The following PRH1 variants were observed in gnomAD, a reference collection of about 807,000 sequenced individuals.
PRH1 encodes the protein proline rich protein HaeIII subfamily 1, also known as salivary acidic proline-rich phosphoprotein 1/2.
A neutral mutation model predicts 7.9 loss-of-function variants in PRH1; 7 were observed. The observed-to-expected ratio is 0.89, with a 90% confidence interval of 0.50 to 1.67. The LOEUF is 1.67. Among genes scored for constraint, PRH1 ranks in the 40% most tolerant of loss-of-function variants. The probability of loss-of-function intolerance (pLI) is 0.00; values close to 1 mark genes in which losing one functional copy is unlikely to be tolerated. For synonymous variants in PRH1, 45 were observed against 80.8 expected, an observed-to-expected ratio of 0.56 and a Z score of 2.38; for missense variants, 109 against 223.6, an observed-to-expected ratio of 0.49 and a Z score of 3.27.
chr12:10,972,928 A>ATCCCCCCCCCCC (rs1555119295), intron 2 of PRH1, among the ~76,000 whole-genome samples: 3 of 100,326 alleles, frequency 3.0e-5, no homozygotes, highest in African/African-American at 1.1e-4. Flanking sequence ...AAGCACCACA[A>ATCCCCCCCCCCC]CCCACCCCCC....
At chr12:10,975,505 C>T (rs925906837) in intron 1 of PRH1, among the ~76,000 whole-genome samples, 4 of 151,972 alleles carry the variant, frequency 2.6e-5, no homozygotes, top group Non-Finnish European at 5.9e-5. Context: ...ATAAAGTAAC[C>T]ACACAACCCA....
intron 1 of PRH1, among the ~76,000 whole-genome samples, chr12:11,072,288 G>A (rs1047908087): frequency 6.6e-6 from 1 of 152,086 alleles, no homozygotes; most frequent in African/African-American, 2.4e-5. Context: ...TACCAAGCCT[G>A]CACTGGGAGT....
At chr12:11,059,681 T>C (rs1472286003) in intron 1 of PRH1, among the ~76,000 whole-genome samples, 1 of 148,914 alleles carries the variant, frequency 6.7e-6, no homozygotes, top group Non-Finnish European at 1.5e-5. Flanking sequence ...CAAGACTATA[T>C]TATTGTCATA....
intron 2 of PRH1, among the ~76,000 whole-genome samples, chr12:10,907,381 G>C (rs1949819474): frequency 6.6e-6 from 1 of 151,970 alleles, no homozygotes; most frequent in Non-Finnish European, 1.5e-5. Flanking sequence ...TTTTAATGTG[G>C]TATATCCAAC....
intron 2 of PRH1, chr12:10,938,833 C>T (rs3741843): frequency 0.83 from 1,344,296 of 1,613,234 alleles, 564,470 homozygotes; most frequent in East Asian, 0.95. Context: ...CCTTTTTAAC[C>T]CTCCACTTTA....
chr12:11,009,079 A>G (rs1185964406), intron 1 of PRH1, among the ~76,000 whole-genome samples: 1 of 151,926 alleles, frequency 6.6e-6, no homozygotes, highest in Non-Finnish European at 1.5e-5. Flanking sequence ...AATTATGTAC[A>G]TATTTATCAT....
intron 2 of PRH1, among the ~76,000 whole-genome samples, chr12:10,899,468 T>A (rs1022272847): frequency 7.2e-5 from 11 of 152,212 alleles, no homozygotes; most frequent in Non-Finnish European, 1.5e-4. Context: ...AATGCCTTGG[T>A]ACCATTTTCA....
intron 1 of PRH1, among the ~76,000 whole-genome samples, chr12:11,155,587 A>C (rs1947225952): frequency 6.6e-6 from 1 of 152,210 alleles, no homozygotes; most frequent in South Asian, 2.1e-4. Flanking sequence ...TGAACTCTTT[A>C]TAAATACAAC....
At chr12:11,009,282 T>C (rs764248180) in intron 1 of PRH1, among the ~76,000 whole-genome samples, 8 of 152,080 alleles carry the variant, frequency 5.3e-5, no homozygotes, top group East Asian at 1.9e-4. Context: ...ATTTAGAATG[T>C]GGCTCTTTTT....
rs780339087 is a variant in PRH1 at position 11,030,844 on chromosome 12, C to T, written c.-126+16176G>A. 4 of 1,614,050 alleles carry T rather than the reference C, an allele frequency of 2.5e-6. No individual in the cohort carries two copies. In the African/African-American group the frequency reaches 4.0e-5, roughly 16 times the overall value. ...ACACTGCACTCCTCAATTTGATCTTCCAAGTCAAGTTTCCTTCATATTCTT... is the reference window on the plus strand; with the variant it reads ...ACACTGCACTCCTCAATTTGATCTTTCAAGTCAAGTTTCCTTCATATTCTT... On this transcript the variant is annotated intron_variant, in intron 1 of 3. Coordinates refer to the PRH1 transcript ENST00000539853.
At chr12:11,013,308 G>C (rs1014604679) in intron 1 of PRH1, among the ~76,000 whole-genome samples, 2 of 151,942 alleles carry the variant, frequency 1.3e-5, no homozygotes, top group Non-Finnish European at 2.9e-5. Flanking sequence ...TGACATTGAT[G>C]GTAATTGATT....
At chr12:11,152,556 A>G (rs1393556957) in intron 1 of PRH1, among the ~76,000 whole-genome samples, 1 of 152,084 alleles carries the variant, frequency 6.6e-6, no homozygotes, top group African/African-American at 2.4e-5. Flanking sequence ...AGTTTTAACT[A>G]TTCTCCACTT....
intron 1 of PRH1, among the ~76,000 whole-genome samples, chr12:11,052,437 T>C (rs1228003361): frequency 6.6e-6 from 1 of 152,242 alleles, no homozygotes; most frequent in Non-Finnish European, 1.5e-5. Flanking sequence ...CTCTAGCTAC[T>C]TTTCAGATTT....
intron 1 of PRH1, among the ~76,000 whole-genome samples, chr12:11,029,003 AT>A (rs1467619136): frequency 6.6e-6 from 1 of 152,286 alleles, no homozygotes; most frequent in Non-Finnish European, 1.5e-5. Flanking sequence ...TTAAAGTATC[AT>A]TTTTGACCAT....
chr12:11,125,660 A>G (rs1161329960), intron 1 of PRH1, among the ~76,000 whole-genome samples: 1 of 152,228 alleles, frequency 6.6e-6, no homozygotes, highest in Non-Finnish European at 1.5e-5. Flanking sequence ...TTATTATTTC[A>G]TTTAGGGATA....
chr12:11,128,818 T>C (rs970370716), intron 1 of PRH1, among the ~76,000 whole-genome samples: 1 of 152,246 alleles, frequency 6.6e-6, no homozygotes, highest in Non-Finnish European at 1.5e-5. Context: ...ATACTATTTC[T>C]GTAACTACTT....
At chr12:10,973,532 C>A in intron 2 of PRH1, 1 of 580,994 alleles carries the variant, frequency 1.7e-6, no homozygotes, top group East Asian at 2.8e-5. Flanking sequence ...CTTGAGTAGG[C>A]TTTATGAGAA....
intron 2 of PRH1, among the ~76,000 whole-genome samples, chr12:10,894,521 A>G (rs1304941161): frequency 6.6e-6 from 1 of 152,118 alleles, no homozygotes; most frequent in Non-Finnish European, 1.5e-5. Context: ...ATTGATCATC[A>G]TTTTTAGGAT....
At position 10,882,607 on chromosome 12, in the gene PRH1, G is replaced by T. The variant is rs749298960; in HGVS notation, c.192C>A (p.Asn64Lys). ...QQSQPSAGDG[N>K]QDDGPQQGPP... ...GTCCCTGCTGAGGGCCATCATCCTG[G>T]TTCCCATCACCAGCAGAGGGTTGAG... is the stretch of plus-strand genomic sequence containing the variant. The change falls in exon 3 of 4, where the codon AAC becomes AAA. Residue 64 changes from asparagine (N) to lysine (K), a missense_variant. Physicochemically the swap from Asn to Lys is moderately conservative, Grantham distance 94. Coordinates refer to ENST00000543626, the MANE Select transcript of PRH1 (RefSeq NM_001393989.1). The T allele has an allele frequency of 1.9e-6, 3 of 1,610,514 alleles. No homozygotes were observed. Among genetic ancestry groups the T allele is most frequent in the Non-Finnish European group, 2.5e-6 (3 of 1,178,846 alleles).
Sources: gnomAD v4.1 joint callset for allele counts (sites outside exome capture counted in the v4.1 genomes callset) on GRCh38, gnomAD v4.1.1 for gene constraint, MANE v1.5 for transcripts, NCBI Gene and HGNC (gene_info 2026-07-23, HGNC 2026-07-21) for gene names.